FAR2: variants seen among roughly 807,000 people sequenced by gnomAD.
FAR2 encodes epididymis secretory protein Li 81.
FAR2 carries 19 observed loss-of-function variants against 56.0 expected under a neutral mutation model. The observed-to-expected ratio is 0.34, with a 90% CI of 0.24 to 0.50. The LOEUF is 0.50. Ranked by LOEUF, FAR2 falls within the 20% of genes least tolerant of loss-of-function variation. The probability of loss-of-function intolerance (pLI) is 0.98; values close to 1 mark genes in which losing one functional copy is unlikely to be tolerated. For missense variants in FAR2, 508 were observed against 642.2 expected (o/e 0.79, Z 2.26); for synonymous variants, 219 against 218.8 (o/e 1.00, Z -0.01).
intron 1 of FAR2, among the ~76,000 whole-genome samples, chr12:29,246,119 A>G (rs1292789314): frequency 1.3e-5 from 2 of 152,104 alleles, no homozygotes; most frequent in African/African-American, 4.8e-5. Context: ...CCTTTTTACT[A>G]TCATGGTACA....
At chr12:29,221,910 TGATCTTGGCC>T (rs1947698142) in intron 1 of FAR2, among the ~76,000 whole-genome samples, 1 of 152,136 alleles carries the variant, frequency 6.6e-6, no homozygotes, top group Non-Finnish European at 1.5e-5. Flanking sequence ...TACAGTGGCA[TGATCTTGGCC>T]CACTACAACC....
chr12:29,270,482 G>T lies in FAR2; in HGVS notation c.33G>T (p.Lys11Asn). The change falls in exon 2 of 12, where the codon AAG (lysine) becomes AAT (asparagine). Residue 11 changes from lysine (K) to asparagine (N), a missense_variant. Lys to Asn is a moderately conservative substitution (Grantham distance 94). Coordinates refer to ENST00000536681, the MANE Select transcript of FAR2 (RefSeq NM_001271783.2). MSTIAAFYGG[K>N]SILITGATGF... ...CAATTGCAGCTTTCTATGGCGGCAAGTCCATTCTCATCACGGGGGCCACAG... is the reference window on the plus strand; with the variant it reads ...CAATTGCAGCTTTCTATGGCGGCAATTCCATTCTCATCACGGGGGCCACAG... 6.2e-7 allele frequency: 1 copy of T among 1,607,388 alleles called. No individual in the cohort carries two copies. The highest frequency in any genetic ancestry group is 1.1e-5 in the South Asian group (1 of 90,394).
chr12:29,300,396 G>A (rs1356062609), intron 4 of FAR2, among the ~76,000 whole-genome samples: 1 of 152,230 alleles, frequency 6.6e-6, no homozygotes, highest in East Asian at 1.9e-4. Flanking sequence ...ATACCAGATG[G>A]AATTTTTGGA....
intron 1 of FAR2, among the ~76,000 whole-genome samples, chr12:29,227,665 A>C (rs961221667): frequency 1.3e-5 from 2 of 152,312 alleles, no homozygotes; most frequent in Middle Eastern, 3.4e-3. Context: ...TGCCTTATTA[A>C]TCAATCAATT....
intron 4 of FAR2, among the ~76,000 whole-genome samples, chr12:29,299,213 C>CAGAAAAAAAAAAAAAAAA (rs1565512259): frequency 9.7e-6 from 1 of 103,572 alleles, no homozygotes; most frequent in Admixed American, 1.1e-4. Flanking sequence ...AACTTTGTCT[C>CAGAAAAAAAAAAAAAAAA]AAAAAAAAAA....
rs1294732054 is a variant in FAR2 at position 29,275,570 on chromosome 12, G to T, written c.189+4932G>T. 6.6e-5 allele frequency among the ~76,000 whole-genome samples: 10 copies of T among 152,254 alleles called. No homozygotes were observed. In the East Asian group the frequency reaches 1.9e-3, roughly 29 times the overall value. On this transcript the variant is annotated intron_variant, in intron 2 of 11. Coordinates refer to ENST00000536681, the MANE Select transcript of FAR2 (RefSeq NM_001271783.2). ...TCCACAATGGTTGAACTAGTTTACAGTCCCACCAACAGTGTAAAAGTGTTA... is the reference window on the plus strand; with the variant it reads ...TCCACAATGGTTGAACTAGTTTACATTCCCACCAACAGTGTAAAAGTGTTA...
chr12:29,169,133 C>G (rs767483456), intron 1 of FAR2, among the ~76,000 whole-genome samples: 2 of 152,290 alleles, frequency 1.3e-5, no homozygotes, highest in South Asian at 4.1e-4. Flanking sequence ...AGTCCCCACT[C>G]GACCCAGGAA....
At chr12:29,269,870 G>A (rs1214933235) in intron 1 of FAR2, among the ~76,000 whole-genome samples, 1 of 152,124 alleles carries the variant, frequency 6.6e-6, no homozygotes, top group African/African-American at 2.4e-5. Context: ...TTCACAAACT[G>A]CTGGGCCAGT....
chr12:29,251,089 T>C (rs757227924), intron 1 of FAR2, among the ~76,000 whole-genome samples: 11 of 152,180 alleles, frequency 7.2e-5, no homozygotes, highest in Non-Finnish European at 1.3e-4. Context: ...ATTAGGATGT[T>C]CCTAGAAGTG....
intron 2 of FAR2, among the ~76,000 whole-genome samples, chr12:29,275,904 C>T (rs1948699961): frequency 6.6e-6 from 1 of 152,200 alleles, no homozygotes; most frequent in Non-Finnish European, 1.5e-5. Context: ...CCTGTTTTCA[C>T]TATTGGGCTA....
intron 2 of FAR2, chr12:29,282,389 C>G (rs997986459): frequency 7.9e-5 from 12 of 152,176 alleles, no homozygotes; most frequent in East Asian, 3.8e-4. Context: ...TCATGTTAAT[C>G]AAGTCCCCCT....
chr12:29,192,228 T>TGG (rs1950108739), intron 1 of FAR2, among the ~76,000 whole-genome samples: 1 of 152,248 alleles, frequency 6.6e-6, no homozygotes, highest in Non-Finnish European at 1.5e-5. Flanking sequence ...ATTGTTTTGT[T>TGG]ATTGCATTTC....
chr12:29,316,389 T>C (rs1488551793), intron 8 of FAR2, among the ~76,000 whole-genome samples: 1 of 152,230 alleles, frequency 6.6e-6, no homozygotes, highest in Non-Finnish European at 1.5e-5. Context: ...TGAGAATCTT[T>C]ACAATCTTTT....
chr12:29,205,862 A>G (rs530711161), intron 1 of FAR2, among the ~76,000 whole-genome samples: 4 of 150,848 alleles, frequency 2.7e-5, no homozygotes, highest in South Asian at 4.2e-4. Context: ...AATTAGCTGT[A>G]TTTTATTTTT....
rs971068690 is a variant in FAR2 at position 29,194,692 on chromosome 12, T to C, written c.-39+45285T>C. 2.0e-5 allele frequency among the ~76,000 whole-genome samples: 3 copies of C among 152,096 alleles called. No homozygotes were observed. In the East Asian group the frequency reaches 5.8e-4, roughly 29 times the overall value. The stretch of plus-strand genomic sequence containing the variant: ...AAAGGAGACTGGCTTTGGGTTTTAA[T>C]GTGGTTAAGGGACAGGGTTGGGGTG... On this transcript the variant is annotated intron_variant, in intron 1 of 11. Coordinates refer to ENST00000536681, the MANE Select transcript of FAR2 (RefSeq NM_001271783.2).
intron 2 of FAR2, among the ~76,000 whole-genome samples, chr12:29,285,008 A>AT (rs1331195705): frequency 6.6e-6 from 1 of 151,828 alleles, no homozygotes; most frequent in Non-Finnish European, 1.5e-5. Context: ...CGCCCGGCTA[A>AT]TTTTTTGTAT....
At chr12:29,310,366 A>G (rs933758038) in intron 6 of FAR2, among the ~76,000 whole-genome samples, 3 of 152,224 alleles carry the variant, frequency 2.0e-5, no homozygotes, top group African/African-American at 7.2e-5. Context: ...CAAAGCACAA[A>G]GAATCAATTT....
chr12:29,235,251 G>T (rs181031089), intron 1 of FAR2, among the ~76,000 whole-genome samples: 389 of 152,248 alleles, frequency 2.6e-3, no homozygotes, highest in African/African-American at 8.7e-3. Context: ...GAAAAACTGG[G>T]TATGATTAAT....
At chr12:29,222,446 C>T (rs992558953) in intron 1 of FAR2, among the ~76,000 whole-genome samples, 8 of 152,032 alleles carry the variant, frequency 5.3e-5, no homozygotes, top group African/African-American at 1.9e-4. Context: ...CAAATAGGGA[C>T]AAGTGGGGAT....
Sources: gnomAD v4.1 joint callset for allele counts (sites outside exome capture counted in the v4.1 genomes callset) on GRCh38, gnomAD v4.1.1 for gene constraint, MANE v1.5 for transcripts, NCBI Gene and HGNC (gene_info 2026-07-23, HGNC 2026-07-21) for gene names.